CTTN: variants seen among roughly 807,000 people sequenced by gnomAD.
The protein encoded by CTTN is cortactin.
A neutral mutation model predicts 84.0 loss-of-function variants in CTTN; 28 were observed. The observed-to-expected ratio is 0.33, with a 90% confidence interval of 0.25 to 0.46. The LOEUF is 0.46. CTTN is among the 20% of genes least tolerant of loss of function. The pLI is 1.00. For missense variants in CTTN, 641 were observed against 723.8 expected, an observed-to-expected ratio of 0.89 and a Z score of 1.31; for synonymous variants, 301 against 288.8, an observed-to-expected ratio of 1.04 and a Z score of -0.43.
chr11:70,403,281 C>T (rs1368473720), intron 1 of CTTN, among the ~76,000 whole-genome samples: 2 of 130,308 alleles, frequency 1.5e-5, no homozygotes, highest in Admixed American at 7.3e-5. Context: ...CTCTGTCTCC[C>T]GGGTTCAAGC....
intron 17 of CTTN, 25 bp from the exon 18 acceptor site, chr11:70,435,001 T>C (rs2058398633): frequency 4.3e-6 from 7 of 1,613,074 alleles, no homozygotes; most frequent in South Asian, 1.1e-5. Flanking sequence ...CACTTCAGCA[T>C]CTTTCTCTGT....
At chr11:70,407,277 C>A (rs2058050735) in intron 2 of CTTN, 21 bp from the exon 3 acceptor site, 3 of 1,548,834 alleles carry the variant, frequency 1.9e-6, no homozygotes, top group Non-Finnish European at 2.6e-6. Context: ...CCTCCGTAAC[C>A]CTCCCCGGCT....
Position 70,398,570 on chromosome 11 carries a change from G to C in CTTN, c.-142G>C, listed in dbSNP as rs931048609. ...CCTGGTGCCTGGGAGCGGCTGGCGC[G>C]GCGGAATCCAGGGCCGACCCGGGCC... On this transcript the variant is annotated 5_prime_UTR_variant, in exon 1 of 18. Transcript: ENST00000301843. 2 of 152,146 alleles carry C rather than the reference G, an allele frequency of 1.3e-5. No individual in the cohort carries two copies. The highest frequency in any genetic ancestry group is 4.8e-5 in the African/African-American group (2 of 41,436). The allele number at this position is 152,146 out of a possible 1,614,324, so 9.4% of individuals were successfully genotyped here.
At chr11:70,410,073 C>A (rs1378945401) in intron 5 of CTTN, 113 bp downstream of exon 5, 6 of 1,187,870 alleles carry the variant, frequency 5.1e-6, no homozygotes, top group Admixed American at 1.9e-5. Flanking sequence ...AGTCCATCTG[C>A]TGAGGTTGCG....
chr11:70,399,377 C>T (rs2057949064), intron 1 of CTTN, among the ~76,000 whole-genome samples: 1 of 148,270 alleles, frequency 6.7e-6, no homozygotes. Context: ...GATCCAGGCG[C>T]AGGGAAAAGG....
At chr11:70,422,626 G>A in intron 11 of CTTN, 1 of 1,355,906 alleles carries the variant, frequency 7.4e-7, no homozygotes, top group South Asian at 1.2e-5. Context: ...GTGGCGCGTT[G>A]CAAAGGCCTG....
intron 11 of CTTN, 85 bp downstream of exon 11, chr11:70,421,665 A>C (rs2058238083): frequency 1.1e-6 from 1 of 889,422 alleles, no homozygotes; most frequent in Non-Finnish European, 1.9e-6. Context: ...CACCGTCAGC[A>C]CCTGCAACAC....
intron 16 of CTTN, 76 bp from the exon 17 acceptor site, chr11:70,433,571 G>A (rs1565501583): frequency 8.8e-7 from 1 of 1,141,130 alleles, no homozygotes; most frequent in African/African-American, 1.5e-5. Flanking sequence ...CTTAGGAAGT[G>A]TCGTCTAAAA....
At chr11:70,404,295 G>A (rs1405615339) in intron 1 of CTTN, among the ~76,000 whole-genome samples, 1 of 152,162 alleles carries the variant, frequency 6.6e-6, no homozygotes, top group Non-Finnish European at 1.5e-5. Context: ...TAGGGACAAG[G>A]GGATTTCATT....
At chr11:70,418,855 C>T (rs1280068918) in intron 8 of CTTN, among the ~76,000 whole-genome samples, 1 of 150,660 alleles carries the variant, frequency 6.6e-6, no homozygotes, top group Non-Finnish European at 1.5e-5. Flanking sequence ...CAGCTCAGTG[C>T]AACCTCCTCC....
At chr11:70,417,557 G>A (rs2058178763) in intron 8 of CTTN, among the ~76,000 whole-genome samples, 4 of 151,210 alleles carry the variant, frequency 2.6e-5, no homozygotes, top group African/African-American at 7.3e-5. Context: ...GTGTAGTGGC[G>A]TGATCTCTGC....
At chr11:70,424,323 T>C (rs1413354438) in intron 12 of CTTN, among the ~76,000 whole-genome samples, 1 of 152,000 alleles carries the variant, frequency 6.6e-6, no homozygotes, top group Non-Finnish European at 1.5e-5. Context: ...TGGTCAGCAT[T>C]GCTGGTGTTG....
rs750592842 is a variant in CTTN, at chr11:70,422,985, G to A, written c.947G>A (p.Arg316Gln). ...GGGAAGTATGGGGTGCAGAAGGATCGGATGGATAAGGTAAATATTCCAGCC... is the reference window on the plus strand; with the variant it reads ...GGGAAGTATGGGGTGCAGAAGGATCAGATGGATAAGGTAAATATTCCAGCC... ...FGGKYGVQKD[R>Q]MDKNASTFED... is the part of the protein sequence containing the mutation. The change falls in exon 12 of 18, where the codon CGG becomes CAG. Residue 316 changes from arginine to glutamine, a missense_variant. This residue lies in a region of CTTN where 289 missense variants were observed against 273.1 expected (regional missense o/e 1.06). Transcript: ENST00000301843. 1.3e-5 allele frequency: 21 copies of A among 1,613,856 alleles called. No individual in the cohort carries two copies. Among genetic ancestry groups the A allele is most frequent in the African/African-American group, 1.1e-4 (8 of 74,852 alleles).
chr11:70,432,886 C>T (rs543249133), intron 15 of CTTN, among the ~76,000 whole-genome samples: 24 of 152,204 alleles, frequency 1.6e-4, no homozygotes, highest in Admixed American at 3.9e-4. Context: ...TGGTGAGGAC[C>T]GGGTCATCAT....
Position 70,425,317 on chromosome 11 carries a change from G to A in CTTN, c.958-15G>A, listed in dbSNP as rs1844455668. ...AGAAAAGTGCTCTCCTGACGCCCAT[G>A]TCCTGTCTCTGCAGAATGCGTCAAC... On this transcript the variant is annotated splice_polypyrimidine_tract_variant and intron_variant, in intron 12 of 17. Coordinates refer to ENST00000301843, the MANE Select transcript of CTTN (RefSeq NM_005231.4). The A allele has an allele frequency of 1.2e-6, 2 of 1,608,248 alleles. No homozygotes were observed. Among genetic ancestry groups the A allele is most frequent in the Non-Finnish European group, 1.7e-6 (2 of 1,176,860 alleles).
At chr11:70,434,648 C>A (rs1470613674) in intron 17 of CTTN, among the ~76,000 whole-genome samples, 4 of 152,264 alleles carry the variant, frequency 2.6e-5, no homozygotes, top group Non-Finnish European at 5.9e-5. Context: ...CTCCGGGTGT[C>A]CCCTGGCTGT....
intron 5 of CTTN, among the ~76,000 whole-genome samples, chr11:70,413,193 G>C (rs2058114881): frequency 6.6e-6 from 1 of 152,242 alleles, no homozygotes. Flanking sequence ...TGAGTTGCCT[G>C]CTGCGTCAGC....
chr11:70,415,875 G>A, intron 7 of CTTN, 158 bp downstream of exon 7: 1 of 687,600 alleles, frequency 1.5e-6, no homozygotes, highest in South Asian at 1.7e-5. Context: ...CCACAAGGAG[G>A]ACTCTGCCCT....
intron 5 of CTTN, among the ~76,000 whole-genome samples, chr11:70,413,794 A>T (rs2058123318): frequency 2.0e-5 from 3 of 152,166 alleles, no homozygotes; most frequent in Non-Finnish European, 4.4e-5. Context: ...TTTTGTTTAT[A>T]GTCTATTAGA....
Sources: allele counts gnomAD v4.1 joint callset (sites outside exome capture counted in the v4.1 genomes callset), GRCh38; gene constraint gnomAD v4.1.1; regional missense constraint gnomAD v4.1.1; transcripts MANE v1.5; gene names NCBI Gene and HGNC (gene_info 2026-07-23, HGNC 2026-07-21).